The following MSI2 variants were observed in gnomAD, a reference collection of about 807,000 sequenced individuals.
MSI2 encodes the protein musashi RNA binding protein 2, also known as RNA-binding protein Musashi homolog 2.
Under a neutral mutation model 45.6 loss-of-function variants are expected in MSI2, and 17 were observed. The observed-to-expected ratio is 0.37, with a 90% CI of 0.26 to 0.56. The LOEUF is 0.56. MSI2 is among the 20% of genes least tolerant of loss of function. MSI2 has a pLI of 0.77. For missense variants in MSI2, 293 were observed against 444.2 expected (o/e 0.66, Z 3.06); for synonymous variants, 156 against 158.2 (o/e 0.99, Z 0.11).
chr17:57,491,283 G>C (rs1167357543), intron 6 of MSI2, among the ~76,000 whole-genome samples: 1 of 152,234 alleles, frequency 6.6e-6, no homozygotes. Flanking sequence ...AGGCATTGGA[G>C]AAGACAGGTC....
intron 6 of MSI2, among the ~76,000 whole-genome samples, chr17:57,462,262 T>C (rs1292855353): frequency 2.0e-5 from 3 of 152,240 alleles, no homozygotes; most frequent in Non-Finnish European, 4.4e-5. Flanking sequence ...TCTCTCCGAC[T>C]TTCTCTTGCT....
chr17:57,430,843 C>T (rs1044864419), intron 6 of MSI2, among the ~76,000 whole-genome samples: 28 of 152,160 alleles, frequency 1.8e-4, no homozygotes, highest in Non-Finnish European at 3.1e-4. Flanking sequence ...GGAATCAGAG[C>T]ATAGGGGGTC....
chr17:57,356,985 G>A (rs1194339566), intron 5 of MSI2, among the ~76,000 whole-genome samples: 5 of 152,178 alleles, frequency 3.3e-5, no homozygotes, highest in South Asian at 2.1e-4. Flanking sequence ...CGGTTGAGAC[G>A]CTCCAACATT....
At chr17:57,370,847 A>G (rs1389209418) in intron 5 of MSI2, among the ~76,000 whole-genome samples, 2 of 152,220 alleles carry the variant, frequency 1.3e-5, no homozygotes, top group Non-Finnish European at 2.9e-5. Context: ...GAATGGCCTT[A>G]TTAGAGTGAA....
At chr17:57,597,274 C>A (rs1249010634) in intron 8 of MSI2, among the ~76,000 whole-genome samples, 1 of 151,558 alleles carries the variant, frequency 6.6e-6, no homozygotes, top group Non-Finnish European at 1.5e-5. Flanking sequence ...TTTATGGACA[C>A]CAAAATTTGA....
At chr17:57,370,026 A>G (rs1323527249) in intron 5 of MSI2, among the ~76,000 whole-genome samples, 1 of 152,250 alleles carries the variant, frequency 6.6e-6, no homozygotes, top group Non-Finnish European at 1.5e-5. Context: ...AGACTAATTA[A>G]AAATCAAACA....
intron 11 of MSI2, among the ~76,000 whole-genome samples, chr17:57,673,715 G>A (rs11868180): frequency 0.11 from 16,524 of 151,940 alleles, 1,154 homozygotes; most frequent in Middle Eastern, 0.17. Flanking sequence ...GATGGGATTG[G>A]GGGGGCCGAG....
chr17:57,443,795 C>A (rs2084845908), intron 6 of MSI2, among the ~76,000 whole-genome samples: 1 of 152,170 alleles, frequency 6.6e-6, no homozygotes, highest in African/African-American at 2.4e-5. Context: ...AAAAGGGGAT[C>A]ATCATTGTCC....
At position 57,385,857 on chromosome 17, in the gene MSI2, C is replaced by G. The variant is rs139359345; in HGVS notation, c.313-15522C>G. Among the ~76,000 whole-genome samples, 293 of 152,270 alleles carry G rather than the reference C, an allele frequency of 1.9e-3. 2 individuals carry two copies. Among genetic ancestry groups the G allele is most frequent in the Admixed American group, 5.4e-3 (82 of 15,302 alleles). ...GCTTCAGGTAACCATTTTATTACAC[C>G]TGTCTCTTTTGCATACCATACCATG... On this transcript the variant is annotated intron_variant, in intron 5 of 13. Coordinates refer to ENST00000284073, the MANE Select transcript of MSI2 (RefSeq NM_138962.4).
chr17:57,507,361 G>T (rs2086260729), intron 6 of MSI2, among the ~76,000 whole-genome samples: 1 of 151,130 alleles, frequency 6.6e-6, no homozygotes, highest in African/African-American at 2.4e-5. Context: ...CTTCAAAGTG[G>T]GAGTCTGTGT....
At chr17:57,519,162 C>G (rs193253274) in intron 6 of MSI2, among the ~76,000 whole-genome samples, 48 of 152,332 alleles carry the variant, frequency 3.2e-4, no homozygotes, top group Non-Finnish European at 1.6e-4. Context: ...CAAGGGCACA[C>G]TGGTTCTGTT....
chr17:57,340,359 C>G (rs1326479839), intron 5 of MSI2, among the ~76,000 whole-genome samples: 6 of 152,184 alleles, frequency 3.9e-5, no homozygotes, highest in Non-Finnish European at 4.4e-5. Flanking sequence ...TTCCCAGAGC[C>G]TCCACTTCTG....
At chr17:57,417,403 T>A (rs1232407614) in intron 6 of MSI2, among the ~76,000 whole-genome samples, 1 of 152,126 alleles carries the variant, frequency 6.6e-6, no homozygotes, top group Non-Finnish European at 1.5e-5. Flanking sequence ...GACTTTGTCA[T>A]CAGCTGCAGA....
chr17:57,560,352 G>A (rs906521066), intron 7 of MSI2, among the ~76,000 whole-genome samples: 1 of 152,272 alleles, frequency 6.6e-6, no homozygotes, highest in African/African-American at 2.4e-5. Flanking sequence ...GGGACTTGCA[G>A]TAACCCGTGC....
intron 5 of MSI2, among the ~76,000 whole-genome samples, chr17:57,401,093 T>C (rs1021671856): frequency 2.0e-5 from 3 of 152,190 alleles, no homozygotes; most frequent in African/African-American, 7.2e-5. Flanking sequence ...ATTTTTCTCT[T>C]TTTGCTAGTC....
At chr17:57,321,897 A>T (rs528245218) in intron 5 of MSI2, among the ~76,000 whole-genome samples, 2 of 152,136 alleles carry the variant, frequency 1.3e-5, no homozygotes, top group East Asian at 3.9e-4. Context: ...CCCGGATTCA[A>T]GTGATTCTCA....
chr17:57,691,885 A>T, the MSI2 span, among the ~76,000 whole-genome samples: 1 of 152,180 alleles, frequency 6.6e-6, no homozygotes, highest in Non-Finnish European at 1.5e-5. Context: ...AAGAATGTCA[A>T]CAGCAAATAT....
chr17:57,331,551 C>G (rs1274466671), intron 5 of MSI2, among the ~76,000 whole-genome samples: 1 of 152,130 alleles, frequency 6.6e-6, no homozygotes, highest in African/African-American at 2.4e-5. Flanking sequence ...TTCCTTCTGC[C>G]CCTCCTGAGC....
the MSI2 span, among the ~76,000 whole-genome samples, chr17:57,689,892 A>G: frequency 1.3e-3 from 204 of 152,334 alleles, 2 homozygotes; most frequent in Admixed American, 2.3e-3. Flanking sequence ...TTTCCATTAT[A>G]TAGATATACC....
Sources: allele counts gnomAD v4.1 joint callset (sites outside exome capture counted in the v4.1 genomes callset), GRCh38; gene constraint gnomAD v4.1.1; transcripts MANE v1.5; gene names NCBI Gene and HGNC (gene_info 2026-07-23, HGNC 2026-07-21).